UNC5D: variants seen among roughly 807,000 people sequenced by gnomAD.
The protein encoded by UNC5D is unc-5 netrin receptor D, also known as netrin receptor UNC5D.
A neutral mutation model predicts 105.4 loss-of-function variants in UNC5D; 39 were observed. The observed-to-expected ratio is 0.37, with a 90% CI of 0.29 to 0.48. The LOEUF (loss-of-function observed/expected upper bound fraction) is 0.48, where lower values mean the gene tolerates loss of function less well. UNC5D is among the 20% of genes least tolerant of loss of function. The pLI is 0.98. For missense variants in UNC5D, 991 were observed against 1,202.4 expected (o/e 0.82, Z 2.60); for synonymous variants, 452 against 450.4 (o/e 1.00, Z -0.04).
At chr8:35,691,451 C>A (rs542921544) in intron 7 of UNC5D, among the ~76,000 whole-genome samples, 1 of 152,306 alleles carries the variant, frequency 6.6e-6, no homozygotes, top group South Asian at 2.1e-4. Context: ...TGCTCCACTG[C>A]ACTCCATCCT....
intron 3 of UNC5D, among the ~76,000 whole-genome samples, chr8:35,576,682 G>A (rs1363776455): frequency 6.6e-6 from 1 of 151,998 alleles, no homozygotes; most frequent in African/African-American, 2.4e-5. Flanking sequence ...GCACAATCAC[G>A]GCTCACTGCA....
Position 35,684,557 on chromosome 8 carries a change from TCCCCTCCC to T in UNC5D, c.752-23_752-16del. 6.2e-7 allele frequency: 1 copy of T among 1,604,900 alleles called. No individual in the cohort carries two copies. Among genetic ancestry groups the T allele is most frequent in the Admixed American group, 1.7e-5 (1 of 58,890 alleles). ...AGTAAAAACCTCTCTCCTTTTTTTCTCCCCTCCCCATTTTTCTCTCTCAGTGAATGGAG... is the reference window on the plus strand; with the variant it reads ...AGTAAAAACCTCTCTCCTTTTTTTCTCATTTTTCTCTCTCAGTGAATGGAG... On this transcript the variant is annotated splice_polypyrimidine_tract_variant and intron_variant, in intron 5 of 16. Coordinates refer to ENST00000404895, the MANE Select transcript of UNC5D (RefSeq NM_080872.4).
intron 1 of UNC5D, among the ~76,000 whole-genome samples, chr8:35,470,292 G>A (rs934054304): frequency 6.6e-6 from 1 of 152,042 alleles, no homozygotes; most frequent in Non-Finnish European, 1.5e-5. Flanking sequence ...TGGTTTTGAG[G>A]CCATAACATA....
At chr8:35,525,914 G>GT (rs1278979059) in intron 1 of UNC5D, among the ~76,000 whole-genome samples, 1 of 152,156 alleles carries the variant, frequency 6.6e-6, no homozygotes, top group Non-Finnish European at 1.5e-5. Context: ...GCACTGGAGT[G>GT]TTCATAAAGA....
chr8:35,499,158 A>G (rs972948882), intron 1 of UNC5D, among the ~76,000 whole-genome samples: 4 of 152,240 alleles, frequency 2.6e-5, no homozygotes, highest in Admixed American at 6.5e-5. Context: ...AGCTAAGAAT[A>G]AACACCACAC....
At chr8:35,408,782 C>T (rs971781602) in intron 1 of UNC5D, among the ~76,000 whole-genome samples, 3 of 151,712 alleles carry the variant, frequency 2.0e-5, no homozygotes, top group African/African-American at 7.3e-5. Context: ...AAAACTACTA[C>T]CAATCACAAA....
At chr8:35,525,188 G>A in intron 1 of UNC5D, 1 of 1,610,338 alleles carries the variant, frequency 6.2e-7, no homozygotes, top group Non-Finnish European at 8.5e-7. Flanking sequence ...AGGATGACAG[G>A]GCAGCCTCCT....
chr8:35,717,369 A>G (rs925649941), intron 8 of UNC5D, among the ~76,000 whole-genome samples: 1 of 152,178 alleles, frequency 6.6e-6, no homozygotes, highest in South Asian at 2.1e-4. Context: ...GAGGGGAGTT[A>G]TGTAAAGAAA....
intron 4 of UNC5D, among the ~76,000 whole-genome samples, chr8:35,623,219 TACCAAGCCTGGGGAGG>T (rs1821467509): frequency 1.3e-5 from 2 of 152,086 alleles, no homozygotes; most frequent in African/African-American, 4.8e-5. Context: ...ACCATTCCCA[TACCAAGCCTGGGGAGG>T]ACTTGGTCAA....
At position 35,663,836 on chromosome 8, in the gene UNC5D, G is replaced by T. The variant is rs570390702; in HGVS notation, c.571-19711G>T. 2.0e-5 allele frequency among the ~76,000 whole-genome samples: 3 copies of T among 152,288 alleles called. No homozygotes were observed. In the South Asian group the frequency reaches 6.2e-4, roughly 32 times the overall value. On this transcript the variant is annotated intron_variant, in intron 4 of 16. Coordinates refer to ENST00000404895, the MANE Select transcript of UNC5D (RefSeq NM_080872.4). ...ATTTTGATGTTCCCTACTCACAGTA[G>T]AAAGTTGCAGATAAGAGGTGGTTGA...
intron 1 of UNC5D, among the ~76,000 whole-genome samples, chr8:35,365,862 T>C (rs1802091647): frequency 6.6e-6 from 1 of 152,040 alleles, no homozygotes; most frequent in Middle Eastern, 3.2e-3. Context: ...AATGAAAAAA[T>C]AAGGCAGAAG....
intron 4 of UNC5D, among the ~76,000 whole-genome samples, chr8:35,681,592 C>T (rs1047174405): frequency 3.9e-5 from 6 of 152,200 alleles, no homozygotes; most frequent in Admixed American, 2.6e-4. Flanking sequence ...AACAGAGCAG[C>T]GCTTTTTGGC....
In UNC5D at chr8:35,614,664, G is replaced by T. The variant is rs1820902286; in HGVS notation, c.570+19007G>T. Among the ~76,000 whole-genome samples the T allele has an allele frequency of 3.3e-5, 5 of 152,136 alleles. No homozygotes were observed. The South Asian group carries it at 1.0e-3, about 32-fold the overall frequency. On this transcript the variant is annotated intron_variant, in intron 4 of 16. Transcript: ENST00000404895. ...CATAAAAAAATTTGCTATGGTAAAAGAGATAAGAAAATGAGGTTAATATAA... is the reference window on the plus strand; with the variant it reads ...CATAAAAAAATTTGCTATGGTAAAATAGATAAGAAAATGAGGTTAATATAA...
At chr8:35,538,393 AATTATATATATATATAT>A (rs1814994870) in intron 1 of UNC5D, among the ~76,000 whole-genome samples, 1 of 97,368 alleles carries the variant, frequency 1.0e-5, no homozygotes, top group African/African-American at 4.3e-5. Context: ...AAAAAAAAAT[AATTATATATATATATAT>A]ATATATATAT....
intron 1 of UNC5D, among the ~76,000 whole-genome samples, chr8:35,356,000 A>C (rs6468315): frequency 0.095 from 14,389 of 151,972 alleles, 1,255 homozygotes; most frequent in African/African-American, 0.23. Context: ...CTCACTGCAA[A>C]CTCCGCCTCT....
At chr8:35,413,292 T>TGTGTGTGTGTTGTG (rs56157732) in intron 1 of UNC5D, among the ~76,000 whole-genome samples, 12,933 of 127,774 alleles carry the variant, frequency 0.1, 769 homozygotes, top group Admixed American at 0.16. Flanking sequence ...TGTGTGTGTG[T>TGTGTGTGTGTTGTG]TGTGTGTGTG....
intron 1 of UNC5D, among the ~76,000 whole-genome samples, chr8:35,474,960 T>G (rs1809982187): frequency 6.6e-6 from 1 of 152,158 alleles, no homozygotes; most frequent in Admixed American, 6.5e-5. Context: ...TCATTCATTA[T>G]GTAAATCACT....
At chr8:35,437,520 T>A (rs1456471968) in intron 1 of UNC5D, among the ~76,000 whole-genome samples, 1 of 152,108 alleles carries the variant, frequency 6.6e-6, no homozygotes, top group Non-Finnish European at 1.5e-5. Flanking sequence ...TTCTAAACCA[T>A]TAAATATGCT....
chr8:35,517,251 T>C (rs1409221989), intron 1 of UNC5D, among the ~76,000 whole-genome samples: 2 of 152,144 alleles, frequency 1.3e-5, no homozygotes, highest in Admixed American at 1.3e-4. Flanking sequence ...AGAGAGTACC[T>C]AGACTGTCAT....
Sources: gnomAD v4.1 joint callset for allele counts (sites outside exome capture counted in the v4.1 genomes callset) on GRCh38, gnomAD v4.1.1 for gene constraint, MANE v1.5 for transcripts, NCBI Gene and HGNC (gene_info 2026-07-23, HGNC 2026-07-21) for gene names.